ZNF248: variants seen among roughly 807,000 people sequenced by gnomAD.
ZNF248 encodes the protein zinc finger protein 248.
In ZNF248, 20 loss-of-function variants were observed where a neutral mutation model predicts 44.3. The ratio of observed to expected loss-of-function variants is 0.45; its 90% CI spans 0.32 to 0.66. The LOEUF is 0.66. Ranked by LOEUF, ZNF248 falls within the 30% of genes least tolerant of loss-of-function variation. The probability of loss-of-function intolerance (pLI) is 0.04; values close to 1 mark genes in which losing one functional copy is unlikely to be tolerated. For missense variants in ZNF248, 654 were observed against 677.0 expected (o/e 0.97, Z 0.38); for synonymous variants, 224 against 229.0 (o/e 0.98, Z 0.20).
At chr10:37,783,100 T>C (rs564346172) in intron 6 of ZNF248, among the ~76,000 whole-genome samples, 7 of 152,296 alleles carry the variant, frequency 4.6e-5, no homozygotes, top group East Asian at 1.9e-4. Context: ...GCACAATTCC[T>C]ATCTATGTGG....
chr10:37,822,847 G>A (rs1294513752), intron 6 of ZNF248, among the ~76,000 whole-genome samples: 2 of 152,118 alleles, frequency 1.3e-5, no homozygotes, highest in African/African-American at 4.8e-5. Flanking sequence ...TGGGCAACAG[G>A]CAGCCCATGG....
intron 6 of ZNF248, among the ~76,000 whole-genome samples, chr10:37,800,962 A>G (rs1338112974): frequency 6.6e-6 from 1 of 151,714 alleles, no homozygotes; most frequent in Non-Finnish European, 1.5e-5. Context: ...GGGTTTCACC[A>G]TATTGGCCAG....
At chr10:37,761,887 C>T in the ZNF248 span, among the ~76,000 whole-genome samples, 2 of 152,158 alleles carry the variant, frequency 1.3e-5, no homozygotes, top group African/African-American at 2.4e-5. Flanking sequence ...GGTTAATTTA[C>T]CTGCTAGAGA....
chr10:37,776,050 T>C (rs1416308011), downstream of ZNF248, among the ~76,000 whole-genome samples: 1 of 152,024 alleles, frequency 6.6e-6, no homozygotes, highest in East Asian at 1.9e-4. Flanking sequence ...CTCTATAGGA[T>C]TAGGGTAGGT....
intron 6 of ZNF248, among the ~76,000 whole-genome samples, chr10:37,777,535 CTTTT>C (rs368150075): frequency 0.011 from 1,568 of 138,200 alleles, 31 homozygotes; most frequent in African/African-American, 0.039. Flanking sequence ...GTCTTCGACT[CTTTT>C]TTTTTTTTTT....
intron 6 of ZNF248, among the ~76,000 whole-genome samples, chr10:37,822,424 A>T (rs1198464328): frequency 6.6e-6 from 1 of 152,200 alleles, no homozygotes; most frequent in Non-Finnish European, 1.5e-5. Context: ...ATGAAAAAAA[A>T]TTCAGAAAAC....
chr10:37,831,383 A>G lies in ZNF248; in HGVS notation c.*232T>C. On this transcript the variant is annotated 3_prime_UTR_variant, in exon 6 of 6. Transcript: ENST00000395867. The stretch of plus-strand genomic sequence containing the variant: ...AAAATTTTGGTATCACGTCTGGAAT[A>G]TAACACTAAACAACATAAATTCCAG... The G allele has an allele frequency of 6.5e-7, 1 of 1,542,970 alleles. No homozygotes were observed. The highest frequency in any genetic ancestry group is 2.0e-5 in the Admixed American group (1 of 50,162).
chr10:37,811,996 G>A (rs1240718428), intron 6 of ZNF248, among the ~76,000 whole-genome samples: 5 of 151,988 alleles, frequency 3.3e-5, no homozygotes, highest in Non-Finnish European at 7.3e-5. Flanking sequence ...AGCACTTTGG[G>A]AAGTCAAGGC....
At chr10:37,837,921 A>C in intron 4 of ZNF248, 64 bp downstream of exon 4, 2 of 1,572,074 alleles carry the variant, frequency 1.3e-6, no homozygotes, top group Non-Finnish European at 1.7e-6. Flanking sequence ...ACATCAGAAA[A>C]CTACAGGGCA....
At chr10:37,853,411 T>C (rs1465526235) in intron 3 of ZNF248, among the ~76,000 whole-genome samples, 2 of 152,176 alleles carry the variant, frequency 1.3e-5, no homozygotes, top group African/African-American at 4.8e-5. Context: ...GGAGTCTCGC[T>C]CTGTCGCCCA....
In ZNF248 at chr10:37,819,403, A is replaced by G. The variant is rs561968133; in HGVS notation, c.330+13622T>C. The G allele has an allele frequency of 1.1e-3, 1,610 of 1,516,058 alleles. 1 individual carries two copies. The highest frequency in any genetic ancestry group is 1.5e-3 in the Admixed American group (92 of 59,724). The allele number at this position is 1,516,058 out of a possible 1,614,324, so 93.9% of individuals were successfully genotyped here. On this transcript the variant is annotated intron_variant, in intron 6 of 6. Coordinates refer to the ZNF248 transcript ENST00000615949. ...ATTCCCTACATGCATGCTTGTGGTA[A>G]TTCTCCTTTTTCTCATCTCTCCAGT...
At chr10:37,816,888 G>C (rs374303750) in intron 6 of ZNF248, among the ~76,000 whole-genome samples, 5 of 152,014 alleles carry the variant, frequency 3.3e-5, no homozygotes, top group African/African-American at 1.2e-4. Flanking sequence ...TGGTCTTCTA[G>C]GCTTTCCTCT....
At chr10:37,854,756 G>T (rs1319086644) in intron 3 of ZNF248, among the ~76,000 whole-genome samples, 1 of 152,240 alleles carries the variant, frequency 6.6e-6, no homozygotes, top group African/African-American at 2.4e-5. Flanking sequence ...CACATGGTTT[G>T]TCATAGCAAA....
intron 6 of ZNF248, among the ~76,000 whole-genome samples, chr10:37,777,081 T>C (rs2046658455): frequency 6.6e-6 from 1 of 152,112 alleles, no homozygotes; most frequent in Non-Finnish European, 1.5e-5. Context: ...CACATATTAT[T>C]GATGGGATGT....
At chr10:37,808,848 G>A (rs899296590) in intron 6 of ZNF248, among the ~76,000 whole-genome samples, 23 of 151,580 alleles carry the variant, frequency 1.5e-4, no homozygotes, top group Non-Finnish European at 1.5e-4. Flanking sequence ...AAGGCATCAC[G>A]TCTGGGGCAT....
intron 6 of ZNF248, among the ~76,000 whole-genome samples, chr10:37,801,172 C>G (rs1431620400): frequency 6.6e-6 from 1 of 151,796 alleles, no homozygotes; most frequent in African/African-American, 2.4e-5. Flanking sequence ...GTCAGGAGAT[C>G]GAGACCATCC....
the ZNF248 span, among the ~76,000 whole-genome samples, chr10:37,760,662 C>G: frequency 6.6e-6 from 1 of 152,080 alleles, no homozygotes; most frequent in African/African-American, 2.4e-5. Context: ...GGTGAAACCC[C>G]GTTTCTACTA....
intron 6 of ZNF248, chr10:37,819,065 A>G: frequency 2.5e-6 from 2 of 797,776 alleles, no homozygotes; most frequent in Non-Finnish European, 4.5e-6. Flanking sequence ...ATCATCCATG[A>G]TCTTCGAAAG....
At position 37,838,068 on chromosome 10, in the gene ZNF248, T is replaced by C; in HGVS notation, c.59A>G (p.Glu20Gly). The C allele has an allele frequency of 1.2e-6, 2 of 1,613,578 alleles. No homozygotes were observed. The highest frequency in any genetic ancestry group is 1.7e-6 in the Non-Finnish European group (2 of 1,179,620). Residue 20 changes from glutamate to glycine, a missense_variant, in exon 4 of 6, where the codon GAA becomes GGA. Physicochemically the swap from Glu to Gly is moderately conservative, Grantham distance 98 (BLOSUM62 -2). Coordinates refer to ENST00000395867, the MANE Select transcript of ZNF248 (RefSeq NM_021045.3). ...AGCAGGGTCCAGCAGATACCACTCTTCCTGAGTGAAGTCCACACATACATC... is the reference window on the plus strand; with the variant it reads ...AGCAGGGTCCAGCAGATACCACTCTCCCTGAGTGAAGTCCACACATACATC... Reference protein sequence around the residue: ...FKDVCVDFTQEEWYLLDPAQK... With the variant: ...FKDVCVDFTQGEWYLLDPAQK...
Sources: allele counts gnomAD v4.1 joint callset (sites outside exome capture counted in the v4.1 genomes callset), GRCh38; gene constraint gnomAD v4.1.1; transcripts MANE v1.5; gene names NCBI Gene and HGNC (gene_info 2026-07-23, HGNC 2026-07-21).